PCDH9: variants seen among roughly 807,000 people sequenced by gnomAD.
PCDH9 encodes protocadherin-9.
PCDH9 carries 24 observed loss-of-function variants against 70.6 expected under a neutral mutation model. That is an observed-to-expected ratio of 0.34 (90% CI 0.25 to 0.48). The LOEUF (loss-of-function observed/expected upper bound fraction) is 0.48, where lower values mean the gene tolerates loss of function less well. PCDH9 is among the 20% of genes least tolerant of loss of function. The pLI, the probability that PCDH9 is intolerant of heterozygous loss-of-function variation, is 0.99. For missense variants in PCDH9, 1,281 were observed against 1,503.6 expected, an observed-to-expected ratio of 0.85 and a Z score of 2.45; for synonymous variants, 562 against 558.5, an observed-to-expected ratio of 1.01 and a Z score of -0.09.
At chr13:67,149,161 AATT>A (rs1413217693) in intron 2 of PCDH9, among the ~76,000 whole-genome samples, 2 of 152,148 alleles carry the variant, frequency 1.3e-5, no homozygotes, top group Non-Finnish European at 2.9e-5. Context: ...TAAGATGAAT[AATT>A]ACATTTAAAA....
chr13:66,416,627 A>T (rs1957466088), intron 4 of PCDH9, among the ~76,000 whole-genome samples: 1 of 152,160 alleles, frequency 6.6e-6, no homozygotes, highest in Admixed American at 6.5e-5. Flanking sequence ...GAGTTTTATC[A>T]TGGGGTATGC....
intron 4 of PCDH9, among the ~76,000 whole-genome samples, chr13:66,495,249 C>T (rs1409937226): frequency 2.6e-5 from 4 of 152,038 alleles, no homozygotes; most frequent in African/African-American, 9.7e-5. Context: ...TCTTTGTTAG[C>T]ATTCTGATTT....
At chr13:67,159,147 G>A (rs889191973) in intron 2 of PCDH9, among the ~76,000 whole-genome samples, 4 of 152,176 alleles carry the variant, frequency 2.6e-5, no homozygotes, top group Non-Finnish European at 5.9e-5. Context: ...ACTGGATATT[G>A]TTGGCAAGAA....
chr13:66,701,721 A>G (rs1345709121), intron 3 of PCDH9, among the ~76,000 whole-genome samples: 2 of 152,172 alleles, frequency 1.3e-5, no homozygotes, highest in Non-Finnish European at 2.9e-5. Context: ...ATAATTTCAT[A>G]GACTTCTGTA....
chr13:66,469,467 AG>A (rs139135755), intron 4 of PCDH9, among the ~76,000 whole-genome samples: 18,801 of 145,050 alleles, frequency 0.13, 1,363 homozygotes, highest in Middle Eastern at 0.22. Flanking sequence ...GAAGGGAGGG[AG>A]GGGGGAAGGA....
chr13:66,655,507 G>A (rs968001748), intron 3 of PCDH9, among the ~76,000 whole-genome samples: 5 of 151,830 alleles, frequency 3.3e-5, no homozygotes, highest in South Asian at 2.1e-4. Context: ...TTCATATAAA[G>A]TCAGTCCTTT....
intron 3 of PCDH9, among the ~76,000 whole-genome samples, chr13:66,768,386 C>T (rs1441072634): frequency 6.6e-6 from 1 of 151,898 alleles, no homozygotes; most frequent in Non-Finnish European, 1.5e-5. Context: ...TCTCATGAAG[C>T]CTGATTTCCT....
chr13:66,458,242 G>T (rs1958356913), intron 4 of PCDH9, among the ~76,000 whole-genome samples: 1 of 151,862 alleles, frequency 6.6e-6, no homozygotes, highest in Non-Finnish European at 1.5e-5. Context: ...GATTTAAGTA[G>T]ATTTCTGGTC....
At chr13:66,356,475 G>A (rs1394291546) in intron 4 of PCDH9, among the ~76,000 whole-genome samples, 2 of 151,742 alleles carry the variant, frequency 1.3e-5, no homozygotes, top group African/African-American at 4.8e-5. Flanking sequence ...CATAATTCTT[G>A]TTCTACAATT....
chr13:66,832,125 C>G (rs891717949), intron 3 of PCDH9, among the ~76,000 whole-genome samples: 1 of 152,018 alleles, frequency 6.6e-6, no homozygotes, highest in African/African-American at 2.4e-5. Flanking sequence ...AATAACAGCA[C>G]AACCAGGGAA....
intron 4 of PCDH9, among the ~76,000 whole-genome samples, chr13:66,528,243 C>T (rs933735774): frequency 3.3e-5 from 5 of 152,094 alleles, no homozygotes; most frequent in Non-Finnish European, 7.4e-5. Flanking sequence ...TCCACCTCTG[C>T]TTTATTATAT....
chr13:67,055,881 G>T (rs563152861), intron 2 of PCDH9, among the ~76,000 whole-genome samples: 1 of 151,954 alleles, frequency 6.6e-6, no homozygotes, highest in Non-Finnish European at 1.5e-5. Context: ...GGCCAGGGAC[G>T]GTGGCTTAAG....
chr13:66,754,467 C>T (rs2079510268), intron 3 of PCDH9, among the ~76,000 whole-genome samples: 1 of 151,688 alleles, frequency 6.6e-6, no homozygotes. Context: ...GTGTGTGTGA[C>T]ATTGTAGGAT....
intron 2 of PCDH9, among the ~76,000 whole-genome samples, chr13:67,070,668 TCA>T (rs2085744373): frequency 6.6e-6 from 1 of 152,176 alleles, no homozygotes; most frequent in Non-Finnish European, 1.5e-5. Context: ...ATCATTAGAT[TCA>T]GTCTTAATGT....
intron 2 of PCDH9, among the ~76,000 whole-genome samples, chr13:67,000,070 T>G (rs1398646369): frequency 6.6e-6 from 1 of 152,074 alleles, no homozygotes; most frequent in African/African-American, 2.4e-5. Flanking sequence ...TAGCAAAGAT[T>G]TGGAACCAAC....
chr13:67,075,180 C>T (rs1037803948), intron 2 of PCDH9, among the ~76,000 whole-genome samples: 1 of 152,078 alleles, frequency 6.6e-6, no homozygotes, highest in Non-Finnish European at 1.5e-5. Flanking sequence ...CCATCTACAT[C>T]TATCATTTTC....
chr13:67,127,339 G>A (rs1029148776), intron 2 of PCDH9, among the ~76,000 whole-genome samples: 13 of 152,088 alleles, frequency 8.5e-5, no homozygotes, highest in Admixed American at 6.6e-4. Context: ...CGGTCCAGAC[G>A]CCTATGTCCT....
chr13:66,339,626 T>G (rs1486479055), intron 4 of PCDH9, among the ~76,000 whole-genome samples: 2 of 152,088 alleles, frequency 1.3e-5, no homozygotes, highest in Non-Finnish European at 2.9e-5. Context: ...CATGATTATG[T>G]TTTTTTGCAA....
chr13:66,498,047 T>C (rs745801747), intron 4 of PCDH9, among the ~76,000 whole-genome samples: 7 of 152,038 alleles, frequency 4.6e-5, no homozygotes, highest in Non-Finnish European at 8.8e-5. Context: ...CTGGAACTCC[T>C]GACCTCAAGT....
Sources: allele counts gnomAD v4.1 joint callset (sites outside exome capture counted in the v4.1 genomes callset), GRCh38; gene constraint gnomAD v4.1.1; transcripts MANE v1.5; gene names NCBI Gene and HGNC (gene_info 2026-07-23, HGNC 2026-07-21).